ULK1: variants seen among roughly 807,000 people sequenced by gnomAD.
ULK1 encodes serine/threonine-protein kinase ULK1.
A neutral mutation model predicts 117.5 loss-of-function variants in ULK1; 48 were observed. That is an observed-to-expected ratio of 0.41 (90% CI 0.32 to 0.52). ULK1 has a LOEUF of 0.52. Among genes scored for constraint, ULK1 ranks in the 20% least tolerant of loss-of-function variants. The probability of loss-of-function intolerance (pLI) is 0.29; values close to 1 mark genes in which losing one functional copy is unlikely to be tolerated. For synonymous variants in ULK1, 790 were observed against 637.8 expected, an observed-to-expected ratio of 1.24 and a Z score of -3.60; for missense variants, 1,387 against 1,473.4, an observed-to-expected ratio of 0.94 and a Z score of 0.96.
intron 25 of ULK1, 137 bp from the exon 26 acceptor site, chr12:131,919,842 C>T (rs573338923): frequency 1.0e-5 from 14 of 1,335,550 alleles, no homozygotes; most frequent in Non-Finnish European, 1.4e-5. Context: ...CCTGGCCACA[C>T]CCTCAAGGCC....
chr12:131,896,166 G>A (rs964766517), intron 3 of ULK1, among the ~76,000 whole-genome samples: 4 of 152,120 alleles, frequency 2.6e-5, no homozygotes, highest in African/African-American at 7.2e-5. Context: ...TGGCCCACCT[G>A]TCTAGGCCGT....
At position 131,910,247 on chromosome 12, in the gene ULK1, C is replaced by T; in HGVS notation, c.809-7C>T. The T allele has an allele frequency of 6.2e-7, 1 of 1,613,674 alleles. No homozygotes were observed. Among genetic ancestry groups the T allele is most frequent in the Non-Finnish European group, 8.5e-7 (1 of 1,179,964 alleles). ...TCCTGAGGCCTCACTCCTCCTTCCT[C>T]CTGCAGATGAGTTTTTTCATCACCC... On this transcript the variant is annotated splice_polypyrimidine_tract_variant and splice_region_variant and intron_variant, in intron 10 of 27. Transcript: ENST00000321867.
At chr12:131,895,863 G>T (rs371651837) in intron 3 of ULK1, 39 bp downstream of exon 3, 37 of 1,612,616 alleles carry the variant, frequency 2.3e-5, no homozygotes, top group Middle Eastern at 1.8e-4. Flanking sequence ...GGACCGGGCT[G>T]GGGGACTGTG....
At position 131,913,664 on chromosome 12, in the gene ULK1, C is replaced by T. The variant is rs1889641528; in HGVS notation, c.1158-83C>T. ...AGGTTGCAGTGAGCCGAGATTGCGC[C>T]ACTGCACTCCAGCCTGGGTGACAGA... On this transcript the variant is annotated intron_variant, in intron 14 of 27. Coordinates refer to ENST00000321867, the MANE Select transcript of ULK1 (RefSeq NM_003565.4). 40 of 1,032,336 alleles carry T rather than the reference C, an allele frequency of 3.9e-5. No homozygotes were observed. In the South Asian group the frequency reaches 8.7e-4, roughly 22 times the overall value. 63.9% of individuals were successfully genotyped at this position (1,032,336 alleles called of 1,614,324 possible).
intron 2 of ULK1, 24 bp from the exon 3 acceptor site, chr12:131,895,759 A>G (rs368252107): frequency 6.2e-7 from 1 of 1,613,920 alleles, no homozygotes; most frequent in African/African-American, 1.3e-5. Context: ...CCACACTGAT[A>G]ACAAACTTGG....
chr12:131,915,514 A>C (rs1371320000), intron 18 of ULK1, 93 bp downstream of exon 18: 1 of 1,447,162 alleles, frequency 6.9e-7, no homozygotes, highest in Non-Finnish European at 9.3e-7. Flanking sequence ...TTTCCAAGTG[A>C]AAAGGAGTGG....
chr12:131,909,008 CCT>C (rs1555264330), intron 7 of ULK1, 37 bp downstream of exon 7: 1 of 1,612,626 alleles, frequency 6.2e-7, no homozygotes, highest in Non-Finnish European at 8.5e-7. Context: ...CGGGTGGGCG[CCT>C]CTCTGGGCTT....
At chr12:131,919,442 G>C in intron 24 of ULK1, 30 bp from the exon 25 acceptor site, 2 of 1,597,722 alleles carry the variant, frequency 1.3e-6, no homozygotes, top group Non-Finnish European at 1.7e-6. Flanking sequence ...AGGACCAACC[G>C]GCCTCCTCTG....
chr12:131,920,521 G>T (rs536973018), intron 26 of ULK1: 3 of 243,374 alleles, frequency 1.2e-5, no homozygotes, highest in South Asian at 1.2e-4. Flanking sequence ...CCCTGCTTGG[G>T]CTCTGAAGAG....
intron 19 of ULK1, 38 bp from the exon 20 acceptor site, chr12:131,916,360 C>T: frequency 6.5e-7 from 1 of 1,532,072 alleles, no homozygotes; most frequent in South Asian, 1.3e-5. Flanking sequence ...GGGCTGCAGA[C>T]CTGCGGGGCA....
intron 5 of ULK1, 148 bp from the exon 6 acceptor site, chr12:131,908,496 T>C: frequency 1.0e-6 from 1 of 977,224 alleles, no homozygotes; most frequent in Non-Finnish European, 1.4e-6. Flanking sequence ...CCGTGGTGGC[T>C]TGTGCCCCTC....
intron 12 of ULK1, 94 bp downstream of exon 12, chr12:131,910,894 C>T (rs1249051698): frequency 5.2e-6 from 8 of 1,551,648 alleles, no homozygotes; most frequent in Non-Finnish European, 7.0e-6. Context: ...GCTGTGACTT[C>T]TGTTGTCTGT....
rs1182087817 is a variant in ULK1 at position 131,919,553 on chromosome 12, G to A, written c.2766G>A (p.Arg922=). The stretch of plus-strand genomic sequence containing the variant: ...TGCAAAGTGCCATCGACCAGATCCG[G>A]GCCGGCAAGCTCTGCCTGTCGTCCA... ...SGLQSAIDQI[R]AGKLCLSSTV... Residue 922 remains arginine, a synonymous_variant, in exon 25 of 28, where the codon CGG becomes CGA. Coordinates refer to ENST00000321867, the MANE Select transcript of ULK1 (RefSeq NM_003565.4). 6.2e-7 allele frequency: 1 copy of A among 1,612,088 alleles called. No homozygotes were observed. Among genetic ancestry groups the A allele is most frequent in the Non-Finnish European group, 8.5e-7 (1 of 1,179,638 alleles).
intron 15 of ULK1, 139 bp from the exon 16 acceptor site, chr12:131,914,213 G>A: frequency 7.2e-7 from 1 of 1,380,708 alleles, no homozygotes; most frequent in Non-Finnish European, 9.8e-7. Context: ...GCTCTTTTCA[G>A]ACCTGGCATG....
chr12:131,916,770 C>T (rs1889808195), intron 20 of ULK1, among the ~76,000 whole-genome samples, 179 bp downstream of exon 20: 1 of 152,152 alleles, frequency 6.6e-6, no homozygotes, highest in Admixed American at 6.5e-5. Context: ...CCTAGACCCA[C>T]AGCAGGTCCC....
intron 16 of ULK1, 86 bp from the exon 17 acceptor site, chr12:131,914,997 A>G: frequency 6.7e-7 from 1 of 1,490,858 alleles, no homozygotes; most frequent in Non-Finnish European, 8.9e-7. Context: ...CCCTCCTAAT[A>G]CCTGCCTTGT....
intron 18 of ULK1, 27 bp from the exon 19 acceptor site, chr12:131,915,864 G>A (rs368057153): frequency 3.7e-6 from 6 of 1,605,372 alleles, no homozygotes; most frequent in Non-Finnish European, 5.1e-6. Flanking sequence ...GGACCGGAAG[G>A]TCGTGACGAG....
rs1477655011 is a variant in ULK1, at chr12:131,903,734, C to T, written c.247-3158C>T. On this transcript the variant is annotated intron_variant, in intron 3 of 27. Transcript: ENST00000321867. This position sits in a 1 kb window ranked among gnomAD's most constrained non-coding sequence, Gnocchi z 6.0. ...TTTTAGGAGAGAGGCTGAGCATGGG[C>T]CAGGCCTTGGTTTCTGCAAGGGACC... 6.6e-6 allele frequency among the ~76,000 whole-genome samples: 1 copy of T among 152,132 alleles called. No homozygotes were observed. Among genetic ancestry groups the T allele is most frequent in the African/African-American group, 2.4e-5 (1 of 41,410 alleles).
In ULK1 at chr12:131,917,993, C is replaced by T. The variant is rs772003718; in HGVS notation, c.2326+439C>T. 1.1e-4 allele frequency among the ~76,000 whole-genome samples: 17 copies of T among 152,266 alleles called. No homozygotes were observed. The South Asian group carries it at 1.4e-3, about 13-fold the overall frequency. ...TGGGCCTGGGGCCTGGCTGGGTCCC[C>T]ACTGCGGGTTCTGCCTGGGGAGGGG... On this transcript the variant is annotated intron_variant, in intron 22 of 27. Coordinates refer to ENST00000321867, the MANE Select transcript of ULK1 (RefSeq NM_003565.4).
Sources: allele counts gnomAD v4.1 joint callset (sites outside exome capture counted in the v4.1 genomes callset), GRCh38; gene constraint gnomAD v4.1.1; non-coding constraint Gnocchi (gnomAD v3.1); transcripts MANE v1.5; gene names NCBI Gene and HGNC (gene_info 2026-07-23, HGNC 2026-07-21).